The following CAMTA1 variants were observed in gnomAD, a reference collection of about 807,000 sequenced individuals.
The protein encoded by CAMTA1 is calmodulin-binding transcription activator 1.
A neutral mutation model predicts 170.9 loss-of-function variants in CAMTA1; 27 were observed. The ratio of observed to expected loss-of-function variants is 0.16; its 90% confidence interval spans 0.12 to 0.22. CAMTA1 has a LOEUF of 0.22. Among genes scored for constraint, CAMTA1 ranks in the 10% least tolerant of loss-of-function variants. The pLI is 1.00. For synonymous variants in CAMTA1, 833 were observed against 891.5 expected, an observed-to-expected ratio of 0.93 and a Z score of 1.17; for missense variants, 1,619 against 2,217.2, an observed-to-expected ratio of 0.73 and a Z score of 5.42.
chr1:6,803,318 G>A (rs1248618315), intron 1 of CAMTA1, among the ~76,000 whole-genome samples: 1 of 152,168 alleles, frequency 6.6e-6, no homozygotes, highest in African/African-American at 2.4e-5. Flanking sequence ...GAAAACAAGC[G>A]GGGAAGAAAA....
chr1:7,072,451 A>G (rs1003216574), intron 3 of CAMTA1, among the ~76,000 whole-genome samples: 2 of 152,326 alleles, frequency 1.3e-5, no homozygotes, highest in Middle Eastern at 3.4e-3. Context: ...TTCTTCATTC[A>G]ATATTTATGA....
At chr1:7,573,072 G>C (rs1004227621) in intron 6 of CAMTA1, among the ~76,000 whole-genome samples, 1 of 152,152 alleles carries the variant, frequency 6.6e-6, no homozygotes, top group African/African-American at 2.4e-5. Flanking sequence ...GGTTCAGAAG[G>C]GTTTACTCCT....
At chr1:7,489,350 A>G (rs74053042) in intron 6 of CAMTA1, among the ~76,000 whole-genome samples, 2,417 of 152,312 alleles carry the variant, frequency 0.016, 64 homozygotes, top group African/African-American at 0.055. Context: ...TTTGCAGGGG[A>G]AGGAAACAGC....
intron 4 of CAMTA1, among the ~76,000 whole-genome samples, chr1:7,186,641 C>T (rs536167649): frequency 2.1e-4 from 32 of 152,248 alleles, no homozygotes; most frequent in South Asian, 6.2e-4. Context: ...TTCATTTTGC[C>T]GGGGCTGGTT....
chr1:7,476,657 A>G (rs1159739063), intron 6 of CAMTA1, among the ~76,000 whole-genome samples: 2 of 152,082 alleles, frequency 1.3e-5, no homozygotes, highest in African/African-American at 4.8e-5. Context: ...GGAGGGGAGC[A>G]TGGGGAAGGG....
chr1:6,842,462 A>G (rs1656224212), intron 3 of CAMTA1, among the ~76,000 whole-genome samples: 3 of 152,228 alleles, frequency 2.0e-5, no homozygotes, highest in Admixed American at 2.0e-4. Flanking sequence ...GCCCTACCAC[A>G]AACTAATTCA....
chr1:6,966,367 C>T (rs192658226), intron 3 of CAMTA1, among the ~76,000 whole-genome samples: 23 of 151,970 alleles, frequency 1.5e-4, no homozygotes, highest in African/African-American at 3.9e-4. Flanking sequence ...TAGCCCTAAA[C>T]GACCATACAT....
At chr1:6,947,488 A>G (rs1687765305) in intron 3 of CAMTA1, among the ~76,000 whole-genome samples, 1 of 150,576 alleles carries the variant, frequency 6.6e-6, no homozygotes, top group African/African-American at 2.4e-5. Context: ...TGATTATCTC[A>G]TCTCACCTCA....
intron 6 of CAMTA1, among the ~76,000 whole-genome samples, chr1:7,493,368 CGT>C (rs1372348152): frequency 3.2e-4 from 26 of 80,648 alleles, no homozygotes; most frequent in Admixed American, 1.3e-3. Flanking sequence ...TACAAACACA[CGT>C]GCGCACACAC....
intron 3 of CAMTA1, among the ~76,000 whole-genome samples, chr1:6,906,836 G>A (rs1479913946): frequency 6.6e-6 from 1 of 152,202 alleles, no homozygotes; most frequent in Non-Finnish European, 1.5e-5. Flanking sequence ...TTTGCCTGGG[G>A]CCAGTTCAAG....
intron 4 of CAMTA1, among the ~76,000 whole-genome samples, chr1:7,246,375 C>T (rs1462785675): frequency 6.6e-6 from 1 of 151,942 alleles, no homozygotes; most frequent in Admixed American, 6.5e-5. Flanking sequence ...AGTGGCGTGC[C>T]CCACTGGTAC....
At chr1:7,116,654 C>CTT (rs34283711) in intron 4 of CAMTA1, among the ~76,000 whole-genome samples, 123 of 143,448 alleles carry the variant, frequency 8.6e-4, no homozygotes, top group Admixed American at 1.1e-3. Flanking sequence ...TTCTTTCTTT[C>CTT]TTTTTTTTTT....
chr1:7,469,066 T>A (rs1198272599), intron 6 of CAMTA1, among the ~76,000 whole-genome samples: 1 of 152,100 alleles, frequency 6.6e-6, no homozygotes, highest in African/African-American at 2.4e-5. Context: ...CCCTTTCCAT[T>A]CTCCCTCAGT....
chr1:6,807,243 T>TA (rs1310405013), intron 1 of CAMTA1, among the ~76,000 whole-genome samples: 1 of 152,236 alleles, frequency 6.6e-6, no homozygotes, highest in Non-Finnish European at 1.5e-5. Flanking sequence ...TGTGTGGAGA[T>TA]ACTCTGGTTA....
chr1:7,005,408 A>G (rs954723021), intron 3 of CAMTA1, among the ~76,000 whole-genome samples: 3 of 152,154 alleles, frequency 2.0e-5, no homozygotes, highest in African/African-American at 4.8e-5. Context: ...TAGTTTATCA[A>G]TCCATCTGTG....
At chr1:6,833,330 A>G (rs916621243) in intron 3 of CAMTA1, among the ~76,000 whole-genome samples, 2 of 152,220 alleles carry the variant, frequency 1.3e-5, no homozygotes, top group African/African-American at 4.8e-5. Flanking sequence ...TATTTGTTGG[A>G]TGAATTAACG....
chr1:7,157,250 C>T (rs1573527958), intron 4 of CAMTA1, among the ~76,000 whole-genome samples: 1 of 144,866 alleles, frequency 6.9e-6, no homozygotes, highest in East Asian at 2.1e-4. Flanking sequence ...GAGACTGAGG[C>T]AGCAGAATGG....
intron 4 of CAMTA1, among the ~76,000 whole-genome samples, chr1:7,217,961 C>G (rs1233679637): frequency 6.6e-6 from 1 of 152,166 alleles, no homozygotes; most frequent in Non-Finnish European, 1.5e-5. Context: ...TAGTCATCTC[C>G]TGGTTGGATG....
chr1:7,107,631 G>A (rs1207774605), intron 4 of CAMTA1, among the ~76,000 whole-genome samples: 1 of 152,174 alleles, frequency 6.6e-6, no homozygotes, highest in African/African-American at 2.4e-5. Context: ...GGCGGGTGCT[G>A]CTGGGATGCC....
Sources: allele counts gnomAD v4.1 joint callset (sites outside exome capture counted in the v4.1 genomes callset), GRCh38; gene constraint gnomAD v4.1.1; transcripts MANE v1.5; gene names NCBI Gene and HGNC (gene_info 2026-07-23, HGNC 2026-07-21).